Variants in UBE2E2 observed in about 807,000 individuals in gnomAD.
UBE2E2 encodes ubiquitin-conjugating enzyme E2 E2.
A neutral mutation model predicts 24.7 loss-of-function variants in UBE2E2; 6 were observed. The ratio of observed to expected loss-of-function variants is 0.24; its 90% CI spans 0.13 to 0.48. UBE2E2 has a LOEUF of 0.48. Ranked by LOEUF, UBE2E2 falls within the 20% of genes least tolerant of loss-of-function variation. The pLI is 0.99. For missense variants in UBE2E2, 169 were observed against 245.0 expected (o/e 0.69, Z 2.07); for synonymous variants, 104 against 83.6 (o/e 1.24, Z -1.33).
intron 3 of UBE2E2, among the ~76,000 whole-genome samples, chr3:23,493,599 T>C (rs1359976821): frequency 1.3e-5 from 2 of 152,168 alleles, no homozygotes; most frequent in African/African-American, 4.8e-5. Context: ...ATGTTGCAAG[T>C]GGGAAAACAT....
chr3:23,549,562 T>C (rs1477896163), intron 5 of UBE2E2, among the ~76,000 whole-genome samples: 2 of 152,176 alleles, frequency 1.3e-5, no homozygotes, highest in African/African-American at 4.8e-5. Flanking sequence ...CCCTCATTTG[T>C]GAATTAAAGA....
rs150319226 is a variant in UBE2E2 at position 23,351,364 on chromosome 3, G to A, written c.227+134052G>A. 6.5e-3 allele frequency among the ~76,000 whole-genome samples: 989 copies of A among 152,160 alleles called. 5 individuals are homozygous for A. Among genetic ancestry groups the A allele is most frequent in the Middle Eastern group, 0.017 (5 of 294 alleles). On this transcript the variant is annotated intron_variant, in intron 3 of 5. Transcript: ENST00000396703. ...AATAACCAGCTAACATCATAATGACGGGATCAAATTCACACATAACAATAT... is the reference window on the plus strand; with the variant it reads ...AATAACCAGCTAACATCATAATGACAGGATCAAATTCACACATAACAATAT...
At chr3:23,260,948 C>T (rs1431633416) in intron 3 of UBE2E2, among the ~76,000 whole-genome samples, 2 of 151,970 alleles carry the variant, frequency 1.3e-5, no homozygotes, top group South Asian at 4.2e-4. Context: ...TAAAAAAATA[C>T]AAAAATTACC....
At chr3:23,378,584 G>A (rs1053091560) in intron 3 of UBE2E2, among the ~76,000 whole-genome samples, 2 of 152,174 alleles carry the variant, frequency 1.3e-5, no homozygotes, top group African/African-American at 4.8e-5. Flanking sequence ...AATATTTATA[G>A]ATAGCTCTCA....
intron 3 of UBE2E2, among the ~76,000 whole-genome samples, chr3:23,357,568 A>G (rs1030294135): frequency 6.6e-6 from 1 of 152,164 alleles, no homozygotes; most frequent in African/African-American, 2.4e-5. Flanking sequence ...TTATGTTCCC[A>G]AGAGGATCTG....
At chr3:23,224,545 AG>A (rs1428571031) in intron 3 of UBE2E2, among the ~76,000 whole-genome samples, 3 of 100,176 alleles carry the variant, frequency 3.0e-5, no homozygotes, top group Non-Finnish European at 6.7e-5. Context: ...CAGTTCTAAC[AG>A]CTTTTTTTTT....
At chr3:23,586,270 GAACATC>G (rs1267375042) in intron 5 of UBE2E2, among the ~76,000 whole-genome samples, 1 of 152,134 alleles carries the variant, frequency 6.6e-6, no homozygotes, top group Non-Finnish European at 1.5e-5. Flanking sequence ...AATTTTAAGT[GAACATC>G]AAATACTAAT....
chr3:23,377,566 T>C (rs1447894801), intron 3 of UBE2E2, among the ~76,000 whole-genome samples: 2 of 152,210 alleles, frequency 1.3e-5, no homozygotes, highest in African/African-American at 4.8e-5. Context: ...TATGAGATCA[T>C]GGCCATTATA....
At chr3:23,272,343 C>T (rs1023576269) in intron 3 of UBE2E2, among the ~76,000 whole-genome samples, 4 of 152,104 alleles carry the variant, frequency 2.6e-5, no homozygotes, top group Admixed American at 6.5e-5. Flanking sequence ...TTTCACTGGC[C>T]CAAGAGCAAC....
chr3:23,301,306 G>C (rs924829310), intron 3 of UBE2E2, among the ~76,000 whole-genome samples: 10 of 152,308 alleles, frequency 6.6e-5, no homozygotes, highest in Middle Eastern at 3.4e-3. Context: ...TCTCCGTCCA[G>C]CTTTGTTCTG....
chr3:23,281,829 G>C (rs139789311), intron 3 of UBE2E2, among the ~76,000 whole-genome samples: 28 of 152,220 alleles, frequency 1.8e-4, no homozygotes, highest in African/African-American at 6.7e-4. Context: ...AAAATAGTTT[G>C]AATTATTGTT....
At chr3:23,370,577 G>A (rs1203174590) in intron 3 of UBE2E2, among the ~76,000 whole-genome samples, 2 of 152,136 alleles carry the variant, frequency 1.3e-5, no homozygotes, top group African/African-American at 2.4e-5. Flanking sequence ...ATGAATTTTA[G>A]TATATTTTCA....
intron 3 of UBE2E2, among the ~76,000 whole-genome samples, chr3:23,358,709 A>G (rs1182904549): frequency 1.3e-5 from 2 of 152,220 alleles, no homozygotes; most frequent in Non-Finnish European, 2.9e-5. Context: ...TAAGAATAAC[A>G]GAACTGAAAT....
intron 3 of UBE2E2, among the ~76,000 whole-genome samples, chr3:23,391,700 TTTGAAGAGCCAGTAGCAGTGAAAGC>T (rs1696939239): frequency 1.3e-5 from 2 of 152,158 alleles, no homozygotes; most frequent in African/African-American, 2.4e-5. Context: ...GCTTCTGAAA[TTTGAAGAGCCAGTAGCAGTGAAAGC>T]TTGAAGAGCC....
intron 3 of UBE2E2, among the ~76,000 whole-genome samples, chr3:23,485,364 T>C (rs1699342825): frequency 6.6e-6 from 1 of 152,118 alleles, no homozygotes; most frequent in Non-Finnish European, 1.5e-5. Context: ...CCCAAAGTGT[T>C]GGGATTACAG....
chr3:23,439,823 T>C (rs567494611), intron 3 of UBE2E2, among the ~76,000 whole-genome samples: 3 of 152,306 alleles, frequency 2.0e-5, no homozygotes, highest in African/African-American at 7.2e-5. Flanking sequence ...TAAAGTACCA[T>C]AGTGCTGTCC....
At chr3:23,378,592 T>C (rs1009823322) in intron 3 of UBE2E2, among the ~76,000 whole-genome samples, 3 of 152,236 alleles carry the variant, frequency 2.0e-5, no homozygotes, top group Non-Finnish European at 4.4e-5. Context: ...TAGATAGCTC[T>C]CAATTTTTAA....
chr3:23,325,252 T>A (rs1351541280), intron 3 of UBE2E2, among the ~76,000 whole-genome samples: 1 of 152,152 alleles, frequency 6.6e-6, no homozygotes, highest in Non-Finnish European at 1.5e-5. Context: ...GGATTTAGAT[T>A]TAATAATAAA....
intron 3 of UBE2E2, among the ~76,000 whole-genome samples, chr3:23,437,714 G>T (rs1698214785): frequency 6.6e-6 from 1 of 152,182 alleles, no homozygotes; most frequent in African/African-American, 2.4e-5. Flanking sequence ...CGTCAGACAG[G>T]CACTCCCTCC....
Sources: allele counts gnomAD v4.1 joint callset (sites outside exome capture counted in the v4.1 genomes callset), GRCh38; gene constraint gnomAD v4.1.1; transcripts MANE v1.5; gene names NCBI Gene and HGNC (gene_info 2026-07-23, HGNC 2026-07-21).